The following PCDH11X variants were observed in gnomAD, a reference collection of about 807,000 sequenced individuals.
PCDH11X encodes protocadherin-11 X-linked.
In PCDH11X, 18 loss-of-function variants were observed where a neutral mutation model predicts 53.3. The observed-to-expected ratio is 0.34, with a 90% CI of 0.23 to 0.50. PCDH11X has a LOEUF of 0.50. PCDH11X is among the 20% of genes least tolerant of loss of function. The pLI, the probability that PCDH11X is intolerant of heterozygous loss-of-function variation, is 0.98. For synonymous variants in PCDH11X, 279 were observed against 393.3 expected (o/e 0.71, Z 3.44); for missense variants, 570 against 1,032.4 (o/e 0.55, Z 6.14).
intron 8 of PCDH11X, among the ~76,000 whole-genome samples, chrX:92,306,926 G>T (rs937610109): frequency 9.0e-6 from 1 of 110,583 alleles, no homozygotes; most frequent in African/African-American, 3.3e-5. Flanking sequence ...CTCCAGCCTG[G>T]GCAACAGAGC....
At position 92,451,693 on chromosome X, in the gene PCDH11X, G is replaced by A. The variant is rs1440622301; in HGVS notation, c.3344-16606G>A. On this transcript the variant is annotated intron_variant, in intron 9 of 10. Transcript: ENST00000682573. ...CATGATAAGAAAAGCAATGAAACCTGATTAATACAGATTGACTTAGCGAGG... is the reference window on the plus strand; with the variant it reads ...CATGATAAGAAAAGCAATGAAACCTAATTAATACAGATTGACTTAGCGAGG... Among the ~76,000 whole-genome samples the A allele has an allele frequency of 2.7e-5, 3 of 111,925 alleles. No homozygotes were observed. The Admixed American group carries it at 2.8e-4, about 11-fold the overall frequency.
chrX:92,552,691 C>T (rs2074979569), intron 10 of PCDH11X, among the ~76,000 whole-genome samples: 1 of 110,777 alleles, frequency 9.0e-6, no homozygotes, highest in Non-Finnish European at 1.9e-5. Context: ...GCTTTTATTG[C>T]ATTGATGTAT....
chrX:91,817,047 A>G (rs1347544825), intron 4 of PCDH11X, among the ~76,000 whole-genome samples: 1 of 109,830 alleles, frequency 9.1e-6, no homozygotes, highest in Admixed American at 9.8e-5. Flanking sequence ...TACCCAATAT[A>G]CTAAAGATTA....
intron 9 of PCDH11X, among the ~76,000 whole-genome samples, chrX:92,429,250 G>A (rs998655419): frequency 2.7e-5 from 3 of 110,473 alleles, no homozygotes; most frequent in Non-Finnish European, 5.7e-5. Context: ...TGAGAACATA[G>A]GACGCAAACT....
chrX:92,163,971 G>A (rs2065687587), intron 6 of PCDH11X, among the ~76,000 whole-genome samples: 1 of 111,454 alleles, frequency 9.0e-6, no homozygotes, highest in South Asian at 3.7e-4. Context: ...TAAAGAGACT[G>A]TACTTTGCAA....
In PCDH11X at chrX:92,322,562, C is replaced by T. The variant is rs183880275; in HGVS notation, c.3144+59419C>T. On this transcript the variant is annotated intron_variant, in intron 8 of 10. Transcript: ENST00000682573. ...TATTTACTGTAATTTGATCATGTTT[C>T]TACTCATCTCAGTACAAACATATAT... 5.9e-3 allele frequency among the ~76,000 whole-genome samples: 660 copies of T among 111,280 alleles called. 3 individuals carry two copies. Among genetic ancestry groups the T allele is most frequent in the African/African-American group, 0.021 (629 of 30,641 alleles).
chrX:92,062,684 A>T (rs1270296893), intron 6 of PCDH11X, among the ~76,000 whole-genome samples: 1 of 112,188 alleles, frequency 8.9e-6, no homozygotes, highest in East Asian at 2.8e-4. Flanking sequence ...ATCATTAAAA[A>T]GTCAGAAAAC....
intron 6 of PCDH11X, among the ~76,000 whole-genome samples, chrX:92,185,769 A>G (rs1025190467): frequency 1.8e-5 from 2 of 110,823 alleles, no homozygotes; most frequent in African/African-American, 6.6e-5. Flanking sequence ...CATCAGGGAA[A>G]TCCAAATCCA....
At chrX:92,317,866 A>G (rs1017129082) in intron 8 of PCDH11X, among the ~76,000 whole-genome samples, 13 of 111,460 alleles carry the variant, frequency 1.2e-4, no homozygotes, top group Non-Finnish European at 2.3e-4. Context: ...TTCTCAGATT[A>G]CTGTTAGCAT....
At chrX:92,071,070 GCTGGGATTA>G (rs911276722) in intron 6 of PCDH11X, among the ~76,000 whole-genome samples, 1 of 109,150 alleles carries the variant, frequency 9.2e-6, no homozygotes, top group African/African-American at 3.4e-5. Context: ...CTCCCAAAGT[GCTGGGATTA>G]CAGGCATGAG....
At chrX:92,117,822 G>A (rs1397311180) in intron 6 of PCDH11X, among the ~76,000 whole-genome samples, 1 of 111,570 alleles carries the variant, frequency 9.0e-6, no homozygotes, top group African/African-American at 3.3e-5. Context: ...GAAACATAAG[G>A]CCTGAAGGAA....
chrX:91,936,210 A>C (rs967294841), intron 6 of PCDH11X, among the ~76,000 whole-genome samples: 1 of 108,240 alleles, frequency 9.2e-6, no homozygotes, highest in Admixed American at 1.0e-4. Context: ...TATGATCTTC[A>C]AGTTATGTAC....
At chrX:91,797,855 C>T (rs1383017697) in intron 1 of PCDH11X, among the ~76,000 whole-genome samples, 1 of 111,263 alleles carries the variant, frequency 9.0e-6, no homozygotes, top group Non-Finnish European at 1.9e-5. Context: ...AGAAGTCAGT[C>T]GAAATTTAAA....
At chrX:91,892,409 A>G (rs1208127456) in intron 6 of PCDH11X, among the ~76,000 whole-genome samples, 2 of 108,734 alleles carry the variant, frequency 1.8e-5, no homozygotes, top group Non-Finnish European at 3.8e-5. Context: ...TCCTCATTGC[A>G]CATAGAATAA....
intron 6 of PCDH11X, among the ~76,000 whole-genome samples, chrX:92,120,872 A>G (rs1231258233): frequency 1.8e-5 from 2 of 111,573 alleles, no homozygotes; most frequent in Non-Finnish European, 3.8e-5. Flanking sequence ...TGTATGCACT[A>G]TGGATTTTGA....
chrX:92,394,064 A>G (rs917878310), intron 9 of PCDH11X, among the ~76,000 whole-genome samples: 3 of 111,086 alleles, frequency 2.7e-5, no homozygotes, highest in Admixed American at 9.6e-5. Flanking sequence ...TGCAATCTCA[A>G]TGTAGACCAA....
intron 6 of PCDH11X, among the ~76,000 whole-genome samples, chrX:91,966,757 T>C (rs2061870015): frequency 8.9e-6 from 1 of 111,909 alleles, no homozygotes; most frequent in South Asian, 3.7e-4. Flanking sequence ...ATAAATTTTA[T>C]TGCATAAAAA....
rs2065329763 is a variant in PCDH11X at position 92,148,031 on chromosome X, TCC to T, written c.3034-53343_3034-53342del. Reference sequence around the variant, plus strand: ...TTTTTCTTTCCTTCCTTCCTTCCTTTCCTTCTTTCCCTTCCTTCCTTCCTTCC... The same window carrying T: ...TTTTTCTTTCCTTCCTTCCTTCCTTTTTCTTTCCCTTCCTTCCTTCCTTCC... On this transcript the variant is annotated intron_variant, in intron 6 of 10. Coordinates refer to ENST00000682573, the MANE Select transcript of PCDH11X (RefSeq NM_032968.5). Among the ~76,000 whole-genome samples the T allele has an allele frequency of 1.3e-3, 107 of 82,969 alleles. 7 individuals are homozygous for T. Among genetic ancestry groups the T allele is most frequent in the African/African-American group, 4.8e-3 (99 of 20,619 alleles). 72.0% of individuals were successfully genotyped at this position (82,969 alleles called of 115,157 possible).
chrX:91,989,918 A>C (rs2062293438), intron 6 of PCDH11X, among the ~76,000 whole-genome samples: 1 of 110,840 alleles, frequency 9.0e-6, no homozygotes, highest in African/African-American at 3.3e-5. Context: ...TGAACATTAG[A>C]TCTTTTGTTA....
Sources: gnomAD v4.1 joint callset for allele counts (sites outside exome capture counted in the v4.1 genomes callset) on GRCh38, gnomAD v4.1.1 for gene constraint, MANE v1.5 for transcripts, NCBI Gene and HGNC (gene_info 2026-07-23, HGNC 2026-07-21) for gene names.